SYT10: variants seen among roughly 807,000 people sequenced by gnomAD.
The protein encoded by SYT10 is synaptotagmin-10.
In SYT10, 31 loss-of-function variants were observed where a neutral mutation model predicts 51.1. The ratio of observed to expected loss-of-function variants is 0.61; its 90% CI spans 0.46 to 0.82. The LOEUF (loss-of-function observed/expected upper bound fraction) is 0.82, where lower values mean the gene tolerates loss of function less well. SYT10 is among the 40% of genes least tolerant of loss of function. SYT10 has a pLI of 0.00. For synonymous variants in SYT10, 233 were observed against 225.9 expected (o/e 1.03, Z -0.28); for missense variants, 603 against 634.0 (o/e 0.95, Z 0.53).
intron 2 of SYT10, among the ~76,000 whole-genome samples, chr12:33,423,083 C>G (rs1866519871): frequency 6.6e-6 from 1 of 152,040 alleles, no homozygotes; most frequent in East Asian, 1.9e-4. Context: ...GCTGATAGGG[C>G]AAAATGTCCA....
chr12:33,429,170 A>G (rs1172200553), intron 1 of SYT10, among the ~76,000 whole-genome samples: 1 of 152,226 alleles, frequency 6.6e-6, no homozygotes, highest in Non-Finnish European at 1.5e-5. Flanking sequence ...AATGGATGAG[A>G]TCTGAAGCAA....
At chr12:33,380,242 T>C (rs1866102427) in intron 5 of SYT10, among the ~76,000 whole-genome samples, 1 of 152,202 alleles carries the variant, frequency 6.6e-6, no homozygotes, top group Non-Finnish European at 1.5e-5. Context: ...GAATGAGAAA[T>C]ACCAGTAGGT....
chr12:33,378,862 TTGTG>T (rs140920905), intron 6 of SYT10, among the ~76,000 whole-genome samples: 1 of 143,534 alleles, frequency 7.0e-6, no homozygotes, highest in African/African-American at 2.5e-5. Context: ...GTAGATGCAT[TTGTG>T]TGTGTGTGTG....
rs758611578 is a variant in SYT10, at chr12:33,426,444, A to C, written c.203T>G (p.Leu68Trp). The C allele has an allele frequency of 6.2e-7, 1 of 1,612,618 alleles. No individual in the cohort carries two copies. The highest frequency in any genetic ancestry group is 2.2e-5 in the East Asian group (1 of 44,878). ...GAAGACAAAAAGTGAGACAACCAAC[A>C]AGGCCAGTCCACAAAAGCTGACAAC... ...AVVVSFCGLA[L>W]LVVSLFVFWK... Residue 68 changes from leucine (L) to tryptophan (W), a missense_variant, in exon 2 of 7, where the codon TTG becomes TGG. Transcript: ENST00000228567.
chr12:33,428,387 C>T (rs1207815813), intron 1 of SYT10, among the ~76,000 whole-genome samples: 1 of 149,144 alleles, frequency 6.7e-6, no homozygotes, highest in Non-Finnish European at 1.5e-5. Context: ...GAAACCTGCA[C>T]AGAAGAATGG....
intron 2 of SYT10, among the ~76,000 whole-genome samples, chr12:33,414,211 T>G (rs976588354): frequency 6.6e-6 from 1 of 152,084 alleles, no homozygotes; most frequent in Non-Finnish European, 1.5e-5. Flanking sequence ...ACAAAGAGAC[T>G]TAGACTCCCC....
chr12:33,399,004 A>G (rs1866280922), intron 3 of SYT10, among the ~76,000 whole-genome samples: 1 of 152,346 alleles, frequency 6.6e-6, no homozygotes, highest in African/African-American at 2.4e-5. Flanking sequence ...CTCTAACTAC[A>G]GACACAGAGA....
At chr12:33,439,338 A>G in intron 1 of SYT10, 34 bp downstream of exon 1, 1 of 1,594,658 alleles carries the variant, frequency 6.3e-7, no homozygotes, top group Non-Finnish European at 8.5e-7. Flanking sequence ...GTCCCAGCGG[A>G]GCGCGAGGAC....
At chr12:33,378,814 CTGTGTGTGTGTGTGTGTG>C (rs56373564) in intron 6 of SYT10, among the ~76,000 whole-genome samples, 2 of 145,184 alleles carry the variant, frequency 1.4e-5, no homozygotes, top group South Asian at 2.2e-4. Context: ...GACTGGGTAT[CTGTGTGTGTGTGTGTGTG>C]TGTGTGTGTG....
At chr12:33,386,822 T>A (rs1410156303) in intron 3 of SYT10, among the ~76,000 whole-genome samples, 1 of 152,214 alleles carries the variant, frequency 6.6e-6, no homozygotes, top group Non-Finnish European at 1.5e-5. Context: ...TACCAGTTCA[T>A]ATTTTTTGAA....
intron 5 of SYT10, among the ~76,000 whole-genome samples, chr12:33,381,547 A>T (rs1284371048): frequency 6.6e-6 from 1 of 152,192 alleles, no homozygotes; most frequent in Non-Finnish European, 1.5e-5. Flanking sequence ...GACATAAACC[A>T]TTGATGGGAC....
intron 1 of SYT10, among the ~76,000 whole-genome samples, chr12:33,435,145 T>C (rs1400444124): frequency 1.3e-5 from 2 of 152,216 alleles, no homozygotes; most frequent in Non-Finnish European, 2.9e-5. Context: ...ATTACAGTAA[T>C]GACTGTTTTT....
intron 6 of SYT10, 101 bp from the exon 7 acceptor site, chr12:33,377,002 C>T (rs1429432515): frequency 5.5e-5 from 68 of 1,226,482 alleles, no homozygotes; most frequent in East Asian, 1.4e-4. Context: ...CCATAATATG[C>T]GAATCTCTGA....
chr12:33,402,737 A>G (rs1866317176), intron 3 of SYT10, among the ~76,000 whole-genome samples: 1 of 152,176 alleles, frequency 6.6e-6, no homozygotes, highest in Non-Finnish European at 1.5e-5. Context: ...TTTTTTGGAT[A>G]AGATCTTGCA....
chr12:33,433,229 G>T (rs932965852), intron 1 of SYT10, among the ~76,000 whole-genome samples: 2 of 152,080 alleles, frequency 1.3e-5, no homozygotes, highest in African/African-American at 2.4e-5. Flanking sequence ...TTATCTGAAG[G>T]TTCAGTTTGA....
At chr12:33,439,016 C>T (rs1432582346) in intron 1 of SYT10, among the ~76,000 whole-genome samples, 13 of 152,232 alleles carry the variant, frequency 8.5e-5, no homozygotes, top group Non-Finnish European at 1.8e-4. Flanking sequence ...AGCCAAGCCG[C>T]GAGCCGTCCC....
At chr12:33,383,714 G>A (rs1035141088) in intron 4 of SYT10, among the ~76,000 whole-genome samples, 5 of 152,176 alleles carry the variant, frequency 3.3e-5, no homozygotes, top group African/African-American at 1.2e-4. Flanking sequence ...TCACGTCTCT[G>A]ACTACATTTC....
In SYT10 at chr12:33,406,776, A is replaced by G; in HGVS notation, c.1077+13T>C. 1 of 1,577,472 alleles carries G rather than the reference A, an allele frequency of 6.3e-7. No homozygotes were observed. Among genetic ancestry groups the G allele is most frequent in the South Asian group, 1.2e-5 (1 of 85,208 alleles). ...CAAATAAAAAACAATATATTGGTGG[A>G]ATTACTACTTACTGTGGTAGCACAG... is the stretch of plus-strand genomic sequence containing the variant. On this transcript the variant is annotated intron_variant, in intron 3 of 6. Coordinates refer to ENST00000228567, the MANE Select transcript of SYT10 (RefSeq NM_198992.4).
chr12:33,426,258 G>T lies in SYT10; in HGVS notation c.389C>A (p.Ala130Glu). 3.1e-6 allele frequency: 5 copies of T among 1,614,094 alleles called. No homozygotes were observed. The highest frequency in any genetic ancestry group is 3.4e-6 in the Non-Finnish European group (4 of 1,180,012). Residue 130 changes from alanine to glutamate, a missense_variant, in exon 2 of 7, where the codon GCA (alanine) becomes GAA (glutamate). Transcript: ENST00000228567. ...EKPAVKAIEP[A>E]IKISHTSPDI... is the part of the protein sequence containing the mutation. ...AGGGGAAGTGTGGCTGATTTTTATTGCAGGCTCAATAGCTTTTACGGCTGG... is the reference window on the plus strand; with the variant it reads ...AGGGGAAGTGTGGCTGATTTTTATTTCAGGCTCAATAGCTTTTACGGCTGG...
Sources: allele counts gnomAD v4.1 joint callset (sites outside exome capture counted in the v4.1 genomes callset), GRCh38; gene constraint gnomAD v4.1.1; transcripts MANE v1.5; gene names NCBI Gene and HGNC (gene_info 2026-07-23, HGNC 2026-07-21).